Variants in SPNS1 observed in about 807,000 individuals in gnomAD.
The protein encoded by SPNS1 is protein spinster homolog 1.
Under a neutral mutation model 50.3 loss-of-function variants are expected in SPNS1, and 22 were observed. That is an observed-to-expected ratio of 0.44 (90% confidence interval 0.31 to 0.62). SPNS1 has a LOEUF of 0.62. SPNS1 is among the 20% of genes least tolerant of loss of function. SPNS1 has a pLI of 0.07. For missense variants in SPNS1, 576 were observed against 728.6 expected, an observed-to-expected ratio of 0.79 and a Z score of 2.41; for synonymous variants, 295 against 317.4, an observed-to-expected ratio of 0.93 and a Z score of 0.75.
intron 5 of SPNS1, 77 bp downstream of exon 5, chr16:28,979,548 C>G (rs1190528506): frequency 6.7e-7 from 1 of 1,495,158 alleles, no homozygotes; most frequent in Admixed American, 1.7e-5. Context: ...GACCCCTTCC[C>G]ACCGCCCATT....
Position 28,974,935 on chromosome 16 carries a change from G to A in SPNS1, c.-217G>A, listed in dbSNP as rs575236019. 172 of 1,502,006 alleles carry A rather than the reference G, an allele frequency of 1.1e-4. No homozygotes were observed. In the African/African-American group the frequency reaches 2.3e-3, roughly 20 times the overall value. The allele number at this position is 1,502,006 out of a possible 1,614,324, so 93.0% of individuals were successfully genotyped here. Reference sequence around the variant, plus strand: ...CTGTCCCCGACATCACGTGTATTCCGCACGTCCCCTCCGCGCTGTGTGTCT... The same window carrying A: ...CTGTCCCCGACATCACGTGTATTCCACACGTCCCCTCCGCGCTGTGTGTCT... On this transcript the variant is annotated 5_prime_UTR_variant, in exon 1 of 12. Coordinates refer to ENST00000311008, the MANE Select transcript of SPNS1 (RefSeq NM_032038.3).
rs753579824 is a variant in SPNS1, at chr16:28,981,562, G to C, written c.756G>C (p.Leu252Phe). The C allele has an allele frequency of 7.4e-6, 12 of 1,614,100 alleles. No homozygotes were observed. In the South Asian group the frequency reaches 1.3e-4, roughly 18 times the overall value. ...GAGCCGTGGAGCGCCACTCAGATTT[G>C]CCACCCCTGAACCCCACCTCGTGGT... ...PRGAVERHSD[L>F]PPLNPTSWWA... The change falls in exon 6 of 12, where the codon TTG (leucine) becomes TTC (phenylalanine). Residue 252 changes from leucine (L) to phenylalanine (F), a missense_variant. Leu to Phe is a conservative substitution (Grantham distance 22). Around this residue, in one of 3 missense-constraint regions of SPNS1, gnomAD observed 428 missense variants for 520.1 expected, o/e 0.82. Coordinates refer to ENST00000311008, the MANE Select transcript of SPNS1 (RefSeq NM_032038.3). This position sits in a 1 kb window ranked among gnomAD's most constrained non-coding sequence, Gnocchi z 4.2.
At chr16:28,976,681 GTTC>G (rs1290561659) in intron 2 of SPNS1, among the ~76,000 whole-genome samples, 2 of 152,178 alleles carry the variant, frequency 1.3e-5, no homozygotes, top group Non-Finnish European at 1.5e-5. Flanking sequence ...GTCTTGCAGT[GTTC>G]TTTTCTCTAC....
intron 2 of SPNS1, among the ~76,000 whole-genome samples, chr16:28,976,547 C>T (rs1420941401): frequency 1.3e-5 from 2 of 152,078 alleles, no homozygotes; most frequent in East Asian, 1.9e-4. Context: ...GTTACTGTTC[C>T]TATTTTATAG....
chr16:28,977,963 G>A lies in SPNS1; in HGVS notation c.363G>A (p.Arg121=). 6.2e-7 allele frequency: 1 copy of A among 1,613,954 alleles called. No individual in the cohort carries two copies. The highest frequency in any genetic ancestry group is 8.5e-7 in the Non-Finnish European group (1 of 1,179,926). ...LAPVFGYLGD[R]YNRKYLMCGG... ...CTGTGTTTGGCTACCTGGGTGACAGGTACAATCGGAAGTATCTCATGTGCG... is the reference window on the plus strand; with the variant it reads ...CTGTGTTTGGCTACCTGGGTGACAGATACAATCGGAAGTATCTCATGTGCG... The change falls in exon 3 of 12, where the codon AGG becomes AGA. Residue 121 remains arginine (R), a synonymous_variant. Coordinates refer to ENST00000311008, the MANE Select transcript of SPNS1 (RefSeq NM_032038.3).
rs749226155 is a variant in SPNS1, at chr16:28,982,809, A to G, written c.1156-48A>G. On this transcript the variant is annotated intron_variant, in intron 8 of 11. Transcript: ENST00000311008. ...GAGCTGGGAACATGGTCAACTTTCCATGTGTTAGCCCTTACTGTCATGAAC... is the reference window on the plus strand; with the variant it reads ...GAGCTGGGAACATGGTCAACTTTCCGTGTGTTAGCCCTTACTGTCATGAAC... 10 of 1,598,096 alleles carry G rather than the reference A, an allele frequency of 6.3e-6. No individual in the cohort carries two copies. The African/African-American group carries it at 8.1e-5, about 13-fold the overall frequency.
Position 28,981,708 on chromosome 16 carries a change from C to A in SPNS1, c.809+93C>A. ...GATGTTCCTGTTCCTGGCCACACCC[C>A]AAGGCCAGTAATTCGGTCGATACTG... On this transcript the variant is annotated intron_variant, in intron 6 of 11. Transcript: ENST00000311008. This position sits in a 1 kb window ranked among gnomAD's most constrained non-coding sequence, Gnocchi z 4.2. The A allele has an allele frequency of 6.5e-7, 1 of 1,548,638 alleles. No homozygotes were observed. Among genetic ancestry groups the A allele is most frequent in the South Asian group, 1.2e-5 (1 of 82,652 alleles).
At position 28,975,117 on chromosome 16, in the gene SPNS1, G is replaced by C; in HGVS notation, c.-35G>C. 5 of 1,466,396 alleles carry C rather than the reference G, an allele frequency of 3.4e-6. No homozygotes were observed. Among genetic ancestry groups the C allele is most frequent in the Non-Finnish European group, 4.5e-6 (5 of 1,113,210 alleles). The allele number at this position is 1,466,396 out of a possible 1,614,324, so 90.8% of individuals were successfully genotyped here. ...CCCTCGCAGGTGGGATCGTCGGTGG[G>C]ACCGGAGCGCGGGCGGGCGCGGCCC... On this transcript the variant is annotated 5_prime_UTR_variant, in exon 1 of 12. Transcript: ENST00000311008.
Position 28,979,435 on chromosome 16 carries a change from G to A in SPNS1, c.627G>A (p.Val209=), listed in dbSNP as rs763204037. The A allele has an allele frequency of 6.2e-7, 1 of 1,614,128 alleles. No individual in the cohort carries two copies. ...SGLGYIAGSK[V]KDMAGDWHWA... The stretch of plus-strand genomic sequence containing the variant: ...TGGGCTACATTGCAGGCTCCAAAGT[G>A]AAGGATATGGCTGGAGACTGGCACT... The change falls in exon 5 of 12, where the codon GTG becomes GTA. Residue 209 remains valine (V), a synonymous_variant. Coordinates refer to ENST00000311008, the MANE Select transcript of SPNS1 (RefSeq NM_032038.3).
chr16:28,974,961 A>C lies in SPNS1; in HGVS notation c.-191A>C. 2 of 1,471,972 alleles carry C rather than the reference A, an allele frequency of 1.4e-6. No homozygotes were observed. Among genetic ancestry groups the C allele is most frequent in the Non-Finnish European group, 1.8e-6 (2 of 1,111,026 alleles). The allele number at this position is 1,471,972 out of a possible 1,614,324, so 91.2% of individuals were successfully genotyped here. The stretch of plus-strand genomic sequence containing the variant: ...CACGTCCCCTCCGCGCTGTGTGTCT[A>C]CTGAGACGGGGAGGCGTGACAGGGC... On this transcript the variant is annotated 5_prime_UTR_variant, in exon 1 of 12. Transcript: ENST00000311008.
In SPNS1 at chr16:28,981,989, C is replaced by A; in HGVS notation, c.898C>A (p.Arg300Ser). Residue 300 changes from arginine to serine, a missense_variant, in exon 7 of 12, where the codon CGT (arginine) becomes AGT (serine). Physicochemically the swap from Arg to Ser is moderately radical, Grantham distance 110. Coordinates refer to ENST00000311008, the MANE Select transcript of SPNS1 (RefSeq NM_032038.3). This position sits in a 1 kb window ranked among gnomAD's most constrained non-coding sequence, Gnocchi z 4.2. Reference sequence around the variant, plus strand: ...TCTGTGGGCTCCGGCATTCCTGCTGCGTTCCCGCGTGGTCCTTGGGGAGAC... The same window carrying A: ...TCTGTGGGCTCCGGCATTCCTGCTGAGTTCCCGCGTGGTCCTTGGGGAGAC... ...LALWAPAFLL[R>S]SRVVLGETPP... 6.2e-7 allele frequency: 1 copy of A among 1,614,212 alleles called. No homozygotes were observed. Among genetic ancestry groups the A allele is most frequent in the Non-Finnish European group, 8.5e-7 (1 of 1,180,042 alleles).
chr16:28,975,324 C>G lies in SPNS1; in HGVS notation c.173C>G (p.Ser58Trp). The G allele has an allele frequency of 6.3e-7, 1 of 1,585,608 alleles. No homozygotes were observed. Reference protein sequence around the residue: ...QRITGLSPGRSALIVAVLCYI... With the variant: ...QRITGLSPGRWALIVAVLCYI... ...ATCACCGGCCTGTCTCCCGGCCGTTCGGCTCTCATAGTGGCGGTGCTGTGC... is the reference window on the plus strand; with the variant it reads ...ATCACCGGCCTGTCTCCCGGCCGTTGGGCTCTCATAGTGGCGGTGCTGTGC... Residue 58 changes from serine to tryptophan, a missense_variant, in exon 1 of 12, where the codon TCG becomes TGG. Coordinates refer to ENST00000311008, the MANE Select transcript of SPNS1 (RefSeq NM_032038.3).
chr16:28,984,117 C>T, intron 11 of SPNS1, 88 bp from the exon 12 acceptor site: 1 of 1,456,722 alleles, frequency 6.9e-7, no homozygotes, highest in Non-Finnish European at 9.3e-7. Context: ...TGTGGCTGCC[C>T]CATCCATTTC....
chr16:28,977,333 A>G (rs993487884), intron 2 of SPNS1, among the ~76,000 whole-genome samples: 11 of 139,442 alleles, frequency 7.9e-5, no homozygotes, highest in African/African-American at 2.7e-4. Context: ...AAAAAAAAAA[A>G]GAGAAAAAAG....
chr16:28,974,862 G>A lies in SPNS1; in HGVS notation c.-290G>A. ...AGCAAGTGCAGCGGGCTCCTACCCC[G>A]GGTGAGGGGTGGCCTCCGCGTGGGA... On this transcript the variant is annotated 5_prime_UTR_variant, in exon 1 of 12. Coordinates refer to ENST00000311008, the MANE Select transcript of SPNS1 (RefSeq NM_032038.3). 2 of 1,535,248 alleles carry A rather than the reference G, an allele frequency of 1.3e-6. No homozygotes were observed. The highest frequency in any genetic ancestry group is 2.0e-5 in the Admixed American group (1 of 50,934).
At chr16:28,982,656 C>T (rs1965595211) in intron 8 of SPNS1, 111 bp downstream of exon 8, 5 of 1,339,786 alleles carry the variant, frequency 3.7e-6, no homozygotes, top group Non-Finnish European at 5.1e-6. Context: ...AGCTCTGGCT[C>T]TTCCCAGCTG....
chr16:28,979,328 G>T (rs1965460208), intron 4 of SPNS1, 22 bp downstream of exon 4: 1 of 1,614,010 alleles, frequency 6.2e-7, no homozygotes, highest in African/African-American at 1.3e-5. Flanking sequence ...TGGGGCCTGG[G>T]GGAAGGCAGA....
intron 5 of SPNS1, 126 bp downstream of exon 5, chr16:28,979,597 C>A: frequency 3.0e-6 from 3 of 991,516 alleles, no homozygotes; most frequent in South Asian, 2.8e-5. Flanking sequence ...GTCACCCAGG[C>A]TGCAGTGCAG....
At chr16:28,977,187 A>T (rs1965372055) in intron 2 of SPNS1, among the ~76,000 whole-genome samples, 1 of 151,950 alleles carries the variant, frequency 6.6e-6, no homozygotes, top group South Asian at 2.1e-4. Flanking sequence ...GCGTGGTGGC[A>T]CGCCCCTGTA....
Sources: allele counts gnomAD v4.1 joint callset (sites outside exome capture counted in the v4.1 genomes callset), GRCh38; gene constraint gnomAD v4.1.1; regional missense constraint gnomAD v4.1.1; non-coding constraint Gnocchi (gnomAD v3.1); transcripts MANE v1.5; gene names NCBI Gene and HGNC (gene_info 2026-07-23, HGNC 2026-07-21).